ITGA9: variants seen among roughly 807,000 people sequenced by gnomAD.
The protein encoded by ITGA9 is integrin alpha-9.
ITGA9 carries 56 observed loss-of-function variants against 127.8 expected under a neutral mutation model. The observed-to-expected ratio is 0.44, with a 90% CI of 0.35 to 0.55. ITGA9 has a LOEUF of 0.55. ITGA9 is among the 20% of genes least tolerant of loss of function. ITGA9 has a pLI of 0.00. For missense variants in ITGA9, 1,196 were observed against 1,347.1 expected (o/e 0.89, Z 1.76); for synonymous variants, 508 against 514.5 (o/e 0.99, Z 0.17).
rs373949171 is a variant in ITGA9, at chr3:37,668,046, T to G, written c.1916+14256T>G. ...GGACGTTTTTCTCTGTTGGGCAGAC[T>G]CAAAGCACTGAGGGGAGCTTTTCAG... is the stretch of plus-strand genomic sequence containing the variant. On this transcript the variant is annotated intron_variant, in intron 17 of 27. Coordinates refer to ENST00000264741, the MANE Select transcript of ITGA9 (RefSeq NM_002207.3). 2.0e-3 allele frequency among the ~76,000 whole-genome samples: 297 copies of G among 152,084 alleles called. 3 individuals are homozygous for G. The highest frequency in any genetic ancestry group is 1.6e-3 in the Non-Finnish European group (110 of 67,978).
chr3:37,660,423 A>C (rs1700522205), intron 17 of ITGA9, among the ~76,000 whole-genome samples: 1 of 152,198 alleles, frequency 6.6e-6, no homozygotes, highest in Admixed American at 6.5e-5. Context: ...GCAAAGTCCT[A>C]ATGCTTTTGC....
chr3:37,531,044 C>T (rs1179111366), intron 13 of ITGA9, among the ~76,000 whole-genome samples: 1 of 152,078 alleles, frequency 6.6e-6, no homozygotes, highest in Admixed American at 6.5e-5. Context: ...AGCCACCGCG[C>T]CCGGCCGCTA....
chr3:37,587,750 A>T (rs1699772376), intron 15 of ITGA9, among the ~76,000 whole-genome samples: 1 of 152,214 alleles, frequency 6.6e-6, no homozygotes, highest in South Asian at 2.1e-4. Flanking sequence ...CAGTTTTGTG[A>T]TGTAGGAATT....
At chr3:37,651,584 G>T (rs1405885104) in intron 16 of ITGA9, among the ~76,000 whole-genome samples, 2 of 152,220 alleles carry the variant, frequency 1.3e-5, no homozygotes, top group Non-Finnish European at 2.9e-5. Flanking sequence ...CATCATTTTA[G>T]CAGGGGAGAC....
chr3:37,468,895 G>T (rs912017622), intron 1 of ITGA9, among the ~76,000 whole-genome samples: 4 of 152,284 alleles, frequency 2.6e-5, no homozygotes, highest in African/African-American at 9.6e-5. Context: ...AAGTGGCTTG[G>T]CATTTTCTAC....
intron 15 of ITGA9, among the ~76,000 whole-genome samples, chr3:37,587,187 T>C (rs978734324): frequency 1.3e-5 from 2 of 152,242 alleles, no homozygotes; most frequent in African/African-American, 4.8e-5. Context: ...ATAATTATTA[T>C]ATTAAAAATG....
At chr3:37,767,163 T>TC (rs1451418029) in intron 23 of ITGA9, among the ~76,000 whole-genome samples, 2 of 152,194 alleles carry the variant, frequency 1.3e-5, no homozygotes, top group Admixed American at 6.5e-5. Context: ...GGAAATGAAA[T>TC]CCACTGGCTT....
chr3:37,798,621 C>G (rs1697201740), intron 26 of ITGA9, among the ~76,000 whole-genome samples: 1 of 152,218 alleles, frequency 6.6e-6, no homozygotes, highest in Non-Finnish European at 1.5e-5. Flanking sequence ...TACCTATTAA[C>G]TTACGGAAGG....
chr3:37,677,459 G>C (rs1003208570), intron 17 of ITGA9, among the ~76,000 whole-genome samples: 2 of 152,150 alleles, frequency 1.3e-5, no homozygotes, highest in African/African-American at 4.8e-5. Flanking sequence ...GAAAAGTTAA[G>C]CACCTCAGTA....
intron 15 of ITGA9, among the ~76,000 whole-genome samples, chr3:37,594,944 T>C (rs1699854908): frequency 1.3e-5 from 2 of 152,022 alleles, no homozygotes; most frequent in Non-Finnish European, 2.9e-5. Context: ...GCATGTACCA[T>C]TGCACCCAGC....
chr3:37,796,467 T>TTGGA (rs201148519), intron 26 of ITGA9, among the ~76,000 whole-genome samples: 3,362 of 151,074 alleles, frequency 0.022, 99 homozygotes, highest in African/African-American at 0.059. Context: ...TGTTGGTTGG[T>TTGGA]TGGATGGATG....
intron 4 of ITGA9, among the ~76,000 whole-genome samples, chr3:37,487,417 C>T (rs1339458853): frequency 6.6e-6 from 1 of 152,072 alleles, no homozygotes; most frequent in Non-Finnish European, 1.5e-5. Flanking sequence ...TTCCTTGGAG[C>T]CAAGAATTTT....
intron 15 of ITGA9, among the ~76,000 whole-genome samples, chr3:37,621,035 C>T (rs1327399160): frequency 6.6e-6 from 1 of 152,166 alleles, no homozygotes; most frequent in Non-Finnish European, 1.5e-5. Context: ...TCTTATAATT[C>T]CCACATGCTG....
At chr3:37,594,693 G>T (rs1015575170) in intron 15 of ITGA9, among the ~76,000 whole-genome samples, 2 of 152,134 alleles carry the variant, frequency 1.3e-5, no homozygotes, top group African/African-American at 4.8e-5. Flanking sequence ...TCATTATGAG[G>T]ACTAAATGAG....
intron 23 of ITGA9, among the ~76,000 whole-genome samples, chr3:37,759,844 G>T (rs1267245304): frequency 1.3e-5 from 2 of 151,840 alleles, no homozygotes; most frequent in African/African-American, 4.8e-5. Context: ...AGCAGAGATT[G>T]CAGTAAGCCG....
intron 26 of ITGA9, among the ~76,000 whole-genome samples, chr3:37,795,842 C>T (rs1697165864): frequency 6.6e-6 from 1 of 152,226 alleles, no homozygotes; most frequent in African/African-American, 2.4e-5. Context: ...ATTTCCCCCG[C>T]AGCCCTCTCA....
chr3:37,662,794 G>T (rs1410663696), intron 17 of ITGA9, among the ~76,000 whole-genome samples: 1 of 152,164 alleles, frequency 6.6e-6, no homozygotes, highest in African/African-American at 2.4e-5. Context: ...GAAGCAAAGG[G>T]GTCACAGAGA....
intron 16 of ITGA9, among the ~76,000 whole-genome samples, chr3:37,641,865 AT>A (rs1319903833): frequency 1.3e-5 from 2 of 152,104 alleles, no homozygotes; most frequent in African/African-American, 4.8e-5. Context: ...CCAGCTCTTC[AT>A]TTTTTAGGTC....
At position 37,736,898 on chromosome 3, in the gene ITGA9, C is replaced by T. The variant is rs376012472; in HGVS notation, c.2155-6C>T. The T allele has an allele frequency of 6.1e-5, 98 of 1,603,606 alleles. No individual in the cohort carries two copies. The Middle Eastern group carries it at 1.2e-3, about 19-fold the overall frequency. ...TGATGCCAAATACCACTTCCTTTTT[C>T]ACTAGTATGAATTCAGCGTGATCTT... On this transcript the variant is annotated splice_region_variant and splice_polypyrimidine_tract_variant and intron_variant, in intron 19 of 27. Coordinates refer to ENST00000264741, the MANE Select transcript of ITGA9 (RefSeq NM_002207.3).
Sources: gnomAD v4.1 joint callset for allele counts (sites outside exome capture counted in the v4.1 genomes callset) on GRCh38, gnomAD v4.1.1 for gene constraint, MANE v1.5 for transcripts, NCBI Gene and HGNC (gene_info 2026-07-23, HGNC 2026-07-21) for gene names.